Variants in SF1 observed in about 807,000 individuals in gnomAD.
SF1 encodes splicing factor 1.
Under a neutral mutation model 62.5 loss-of-function variants are expected in SF1, and 7 were observed. That is an observed-to-expected ratio of 0.11 (90% CI 0.06 to 0.21). SF1 has a LOEUF of 0.21. Ranked by LOEUF, SF1 falls within the 10% of genes least tolerant of loss-of-function variation. The pLI is 1.00. For synonymous variants in SF1, 394 were observed against 323.6 expected, an observed-to-expected ratio of 1.22 and a Z score of -2.33; for missense variants, 578 against 884.0, an observed-to-expected ratio of 0.65 and a Z score of 4.39.
chr11:64,778,494 C>G lies in SF1; in HGVS notation c.-102G>C, dbSNP rs1314839026. 11 of 1,187,544 alleles carry G rather than the reference C, an allele frequency of 9.3e-6. No homozygotes were observed. In the Admixed American group the frequency reaches 4.5e-4, roughly 49 times the overall value. 73.6% of individuals were successfully genotyped at this position (1,187,544 alleles called of 1,614,324 possible). ...GGGACCCGAATGCGCTGCCGGAGCG[C>G]GCGGAGCCCGTCCTCTCACGCGGCG... On this transcript the variant is annotated 5_prime_UTR_variant, in exon 1 of 13. Transcript: ENST00000377390.
Position 64,768,284 on chromosome 11 carries a change from G to T in SF1, c.890C>A (p.Pro297His). The change falls in exon 9 of 13, where the codon CCT becomes CAT. Residue 297 changes from proline to histidine, a missense_variant and splice_region_variant. By Grantham distance (77) the Pro-to-His change is moderately conservative. Around this residue, in one of 7 missense-constraint regions of SF1, gnomAD observed 45 missense variants for 97.8 expected, o/e 0.46. Transcript: ENST00000377390. ...HIASDCKFQR[P>H]GDPQSAQDKA... ...ATCCTGAGCTGACTGAGGATCACCA[G>T]GCCTGAAGTGGGGTGGGGGACACAA... 6.2e-7 allele frequency: 1 copy of T among 1,612,886 alleles called. No individual in the cohort carries two copies. The highest frequency in any genetic ancestry group is 8.5e-7 in the Non-Finnish European group (1 of 1,179,564).
At chr11:64,775,360 G>C (rs962268385) in intron 2 of SF1, among the ~76,000 whole-genome samples, 3 of 152,184 alleles carry the variant, frequency 2.0e-5, no homozygotes, top group African/African-American at 7.2e-5. Flanking sequence ...TTGTGTTCTT[G>C]GGATATCACT....
intron 3 of SF1, among the ~76,000 whole-genome samples, chr11:64,771,144 A>G (rs945814677): frequency 8.5e-5 from 13 of 152,248 alleles, no homozygotes; most frequent in African/African-American, 2.9e-4. Flanking sequence ...TGAACCTGCA[A>G]ACAGCAAGGG....
At position 64,767,024 on chromosome 11, in the gene SF1, A is replaced by G; in HGVS notation, c.1458T>C (p.Ser486=). 6.5e-7 allele frequency: 1 copy of G among 1,547,360 alleles called. No homozygotes were observed. Residue 486 remains serine (S), a synonymous_variant, in exon 12 of 13, where the codon AGT becomes AGC. Transcript: ENST00000377390. ...CAGAGGGAGGGGGTGGGGGCTGCCC[A>G]CTGGGAGGCGGCGGCGGCGGCGGCA... ...GMMPPPPPPP[S]GQPPPPPSGP... is the part of the protein sequence containing the mutation.
chr11:64,768,501 G>A (rs1470373593), intron 8 of SF1, among the ~76,000 whole-genome samples: 2 of 152,244 alleles, frequency 1.3e-5, no homozygotes, highest in African/African-American at 4.8e-5. Flanking sequence ...CAGAGTAGAG[G>A]GGCCCCTGGG....
chr11:64,768,354 G>A, intron 8 of SF1, 68 bp from the exon 9 acceptor site: 2 of 1,458,248 alleles, frequency 1.4e-6, no homozygotes, highest in Non-Finnish European at 1.9e-6. Flanking sequence ...CTTTTATCCT[G>A]AGGAACCAAC....
chr11:64,778,431 C>T lies in SF1; in HGVS notation c.-39G>A, dbSNP rs1939775176. ...ACAGGCACCGGCACCTGCTTTTCCT[C>T]TGCGGCGGCTTCTCCTTCGCAAGCC... On this transcript the variant is annotated 5_prime_UTR_variant, in exon 1 of 13. Coordinates refer to ENST00000377390, the MANE Select transcript of SF1 (RefSeq NM_004630.4). 5 of 1,221,868 alleles carry T rather than the reference C, an allele frequency of 4.1e-6. No homozygotes were observed. Among genetic ancestry groups the T allele is most frequent in the Middle Eastern group, 2.2e-4 (1 of 4,504 alleles). 75.7% of individuals were successfully genotyped at this position (1,221,868 alleles called of 1,614,324 possible). A position where few individuals can be genotyped will look rare whatever the true frequency, so the allele number is the denominator to read the frequency against.
chr11:64,772,956 C>A (rs1938563085), intron 3 of SF1: 1 of 987,130 alleles, frequency 1.0e-6, no homozygotes, highest in African/African-American at 1.7e-5. Context: ...ATTTTGAAAC[C>A]ATCTCAAAAC....
In SF1 at chr11:64,765,217, C is replaced by G. The variant is rs1203748276; in HGVS notation, c.*601G>C. On this transcript the variant is annotated 3_prime_UTR_variant, in exon 13 of 13. Transcript: ENST00000377390. The stretch of plus-strand genomic sequence containing the variant: ...CCTCTCCTTGGTAAGGGAAGGAGAA[C>G]TGGAGAGAAGGGAAAGGAATCTAAA... 2.3e-6 allele frequency: 1 copy of G among 431,088 alleles called. No individual in the cohort carries two copies. The highest frequency in any genetic ancestry group is 2.1e-5 in the African/African-American group (1 of 48,632). The allele number at this position is 431,088 out of a possible 1,614,324, so 26.7% of individuals were successfully genotyped here.
chr11:64,777,780 G>GGC, intron 1 of SF1: 14 of 445,182 alleles, frequency 3.1e-5, no homozygotes, highest in South Asian at 1.0e-4. Flanking sequence ...AGCGCCTCCC[G>GGC]CCCGCCCAGC....
intron 3 of SF1, 138 bp from the exon 4 acceptor site, chr11:64,770,546 G>T: frequency 1.1e-6 from 1 of 912,240 alleles, no homozygotes; most frequent in Non-Finnish European, 1.6e-6. Context: ...CATAACGTGT[G>T]CTACTCAAGA....
At chr11:64,774,427 A>T (rs1938820750) in intron 2 of SF1, among the ~76,000 whole-genome samples, 1 of 152,360 alleles carries the variant, frequency 6.6e-6, no homozygotes, top group East Asian at 1.9e-4. Context: ...GCAGAGCCAG[A>T]GCAGCTTTCT....
At position 64,774,202 on chromosome 11, in the gene SF1, T is replaced by C. The variant is rs556171953; in HGVS notation, c.161-697A>G. Among the ~76,000 whole-genome samples the C allele has an allele frequency of 7.9e-5, 12 of 152,316 alleles. No individual in the cohort carries two copies. The South Asian group carries it at 1.5e-3, about 18-fold the overall frequency. On this transcript the variant is annotated intron_variant, in intron 2 of 12. Transcript: ENST00000377390. ...CAAACCACATATCTTAATAAACCAGTAACCATAAAGTGCTAAGAATTTGTT... is the reference window on the plus strand; with the variant it reads ...CAAACCACATATCTTAATAAACCAGCAACCATAAAGTGCTAAGAATTTGTT...
chr11:64,771,542 A>AGGGAACCATGTCACACC, intron 3 of SF1: 1 of 985,456 alleles, frequency 1.0e-6, no homozygotes, highest in Non-Finnish European at 1.2e-6. Flanking sequence ...TTCAGCCTAA[A>AGGGAACCATGTCACACC]GGGAACCATG....
At chr11:64,777,414 A>G (rs1939471953) in intron 1 of SF1, 1 of 803,220 alleles carries the variant, frequency 1.2e-6, no homozygotes, top group African/African-American at 1.9e-5. Context: ...TACTGAACAG[A>G]TTTAAAAAAA....
chr11:64,777,825 C>G lies in SF1; in HGVS notation c.31+537G>C, dbSNP rs969668583. On this transcript the variant is annotated intron_variant, in intron 1 of 12. Transcript: ENST00000377390. ...ACAGCGCGCGTGCGCACTCGAGGCCCTAGAACCAGGCCGCGCGCGCCCAGG... is the reference window on the plus strand; with the variant it reads ...ACAGCGCGCGTGCGCACTCGAGGCCGTAGAACCAGGCCGCGCGCGCCCAGG... 1.1e-4 allele frequency: 102 copies of G among 967,626 alleles called. No individual in the cohort carries two copies. The Admixed American group carries it at 1.3e-3, about 12-fold the overall frequency. The allele number at this position is 967,626 out of a possible 1,614,324, so 59.9% of individuals were successfully genotyped here.
chr11:64,777,935 G>A, intron 1 of SF1: 1 of 980,082 alleles, frequency 1.0e-6, no homozygotes, highest in Non-Finnish European at 1.2e-6. Flanking sequence ...CGCCCCTCAG[G>A]CGGCCGGGCC....
intron 8 of SF1, 89 bp downstream of exon 8, chr11:64,768,933 G>C (rs1333599800): frequency 1.1e-6 from 1 of 877,566 alleles, no homozygotes; most frequent in African/African-American, 1.6e-5. Flanking sequence ...TGTTTCTCTT[G>C]GTAAGATTAA....
In SF1 at chr11:64,765,890, C is replaced by A; in HGVS notation, c.1848G>T (p.Met616Ile). The change falls in exon 13 of 13, where the codon ATG becomes ATT. Residue 616 changes from methionine to isoleucine, a missense_variant. Met to Ile is a conservative substitution (Grantham distance 10). Transcript: ENST00000377390. ...PMDPSNFVTM[M>I]GMGVAGMPPF... ...GCGGCATGCCCGCCACCCCCATGCC[C>A]ATCATGGTGACAAAGTTAGAAGGGT... 6.4e-7 allele frequency: 1 copy of A among 1,564,502 alleles called. No homozygotes were observed. The highest frequency in any genetic ancestry group is 2.4e-5 in the East Asian group (1 of 42,290).
Sources: allele counts gnomAD v4.1 joint callset (sites outside exome capture counted in the v4.1 genomes callset), GRCh38; gene constraint gnomAD v4.1.1; regional missense constraint gnomAD v4.1.1; transcripts MANE v1.5; gene names NCBI Gene and HGNC (gene_info 2026-07-23, HGNC 2026-07-21).